The following IFIH1 variants were observed in gnomAD, a reference collection of about 807,000 sequenced individuals.
The protein encoded by IFIH1 is interferon induced with helicase C domain 1, also known as interferon-induced helicase C domain-containing protein 1.
Under a neutral mutation model 107.4 loss-of-function variants are expected in IFIH1, and 125 were observed. That is an observed-to-expected ratio of 1.16 (90% CI 1.01 to 1.35). The LOEUF is 1.35. Among genes scored for constraint, IFIH1 ranks in the 40% most tolerant of loss-of-function variants. The pLI is 0.00. For missense variants in IFIH1, 1,333 were observed against 1,213.7 expected (o/e 1.10, Z -1.46); for synonymous variants, 458 against 413.2 (o/e 1.11, Z -1.31).
At chr2:162,305,323 A>G (rs905887199) in intron 3 of IFIH1, among the ~76,000 whole-genome samples, 1 of 152,138 alleles carries the variant, frequency 6.6e-6, no homozygotes, top group Admixed American at 6.5e-5. Flanking sequence ...TAATCCCAGC[A>G]CTTTGGGAGG....
chr2:162,282,782 G>A (rs1308500041), intron 5 of IFIH1, among the ~76,000 whole-genome samples: 1 of 151,704 alleles, frequency 6.6e-6, no homozygotes, highest in Non-Finnish European at 1.5e-5. Flanking sequence ...TTTATGTCTG[G>A]GACACAAAGA....
intron 4 of IFIH1, among the ~76,000 whole-genome samples, chr2:162,289,787 T>C (rs1682964932): frequency 6.6e-6 from 1 of 151,976 alleles, no homozygotes; most frequent in African/African-American, 2.4e-5. Context: ...TATCGTTGGA[T>C]CATCTGCTGA....
chr2:162,306,719 A>G lies in IFIH1; in HGVS notation c.759T>C (p.Ser253=). 1.2e-6 allele frequency: 2 copies of G among 1,613,862 alleles called. No individual in the cohort carries two copies. Among genetic ancestry groups the G allele is most frequent in the Non-Finnish European group, 1.7e-6 (2 of 1,179,818 alleles). ...ATGTGTTTCAAGTACCTGAAACTAC[A>G]GAAGAATCTGCAAAAGATGATTCTG... ...NSSESSFADS[S]VVSESDTSLA... The change falls in exon 3 of 16, where the codon TCT becomes TCC. Residue 253 remains serine (S), a synonymous_variant. Transcript: ENST00000649979.
Position 162,267,393 on chromosome 2 carries a change from G to T in IFIH1, c.2899-14C>A. 6.2e-7 allele frequency: 1 copy of T among 1,613,914 alleles called. No homozygotes were observed. Among genetic ancestry groups the T allele is most frequent in the Non-Finnish European group, 8.5e-7 (1 of 1,179,924 alleles). On this transcript the variant is annotated splice_polypyrimidine_tract_variant and intron_variant, in intron 15 of 15. Coordinates refer to ENST00000649979, the MANE Select transcript of IFIH1 (RefSeq NM_022168.4). Reference sequence around the variant, plus strand: ...TGTTCCCCAAGCCTGGAAAACAAAAGAGAGAGCAAGAGGAAAATTAAATGT... The same window carrying T: ...TGTTCCCCAAGCCTGGAAAACAAAATAGAGAGCAAGAGGAAAATTAAATGT...
rs745774513 is a variant in IFIH1, at chr2:162,273,806, C to G, written c.2443G>C (p.Ala815Pro). The G allele has an allele frequency of 7.6e-5, 121 of 1,591,170 alleles. No homozygotes were observed. The highest frequency in any genetic ancestry group is 1.0e-4 in the Non-Finnish European group (119 of 1,170,246). Residue 815 changes from alanine (A) to proline (P), a missense_variant, in exon 12 of 16, where the codon GCC (alanine) becomes CCC (proline). Ala to Pro is a conservative substitution (Grantham distance 27). Coordinates refer to ENST00000649979, the MANE Select transcript of IFIH1 (RefSeq NM_022168.4). ...IRYGLVTNEI[A>P]MVQARGRARA... ...GTATTTGAATGTACCTGGACCATGG[C>G]TATTTCATTGGTGACGAGACCATAA...
At position 162,318,458 on chromosome 2, in the gene IFIH1, G is replaced by T; in HGVS notation, c.-151C>A. ...TGACAATGACGAGGTTGTCCACAGG[G>T]CTCTCAGGCCGGCGCGCGGGGCTGC... On this transcript the variant is annotated 5_prime_UTR_variant, in exon 1 of 16. Coordinates refer to ENST00000649979, the MANE Select transcript of IFIH1 (RefSeq NM_022168.4). The T allele has an allele frequency of 1.5e-6, 1 of 678,210 alleles. No individual in the cohort carries two copies. The allele number at this position is 678,210 out of a possible 1,614,324, so 42.0% of individuals were successfully genotyped here. A position where few individuals can be genotyped will look rare whatever the true frequency, so the allele number is the denominator to read the frequency against.
At chr2:162,303,597 G>A (rs1032638411) in intron 3 of IFIH1, among the ~76,000 whole-genome samples, 9 of 151,914 alleles carry the variant, frequency 5.9e-5, no homozygotes, top group African/African-American at 2.2e-4. Context: ...GGAAGAGAGG[G>A]AAGGAAGTTA....
chr2:162,302,040 T>C (rs1271067882), intron 3 of IFIH1, among the ~76,000 whole-genome samples: 8 of 152,262 alleles, frequency 5.3e-5, no homozygotes, highest in Admixed American at 2.6e-4. Flanking sequence ...AGGACACATA[T>C]CAACCCGCAA....
chr2:162,311,121 GACAACA>G (rs145943538), intron 1 of IFIH1, among the ~76,000 whole-genome samples, 188 bp from the exon 2 acceptor site: 2 of 151,450 alleles, frequency 1.3e-5, no homozygotes, highest in African/African-American at 4.9e-5. Context: ...AAATCTCCGG[GACAACA>G]ACAACAACAA....
At chr2:162,285,995 T>C (rs925046993) in intron 5 of IFIH1, among the ~76,000 whole-genome samples, 1 of 151,962 alleles carries the variant, frequency 6.6e-6, no homozygotes, top group Non-Finnish European at 1.5e-5. Flanking sequence ...GCAAATGCGG[T>C]CATAAGCTGG....
At chr2:162,295,984 G>A (rs1307880301) in intron 3 of IFIH1, among the ~76,000 whole-genome samples, 2 of 152,020 alleles carry the variant, frequency 1.3e-5, no homozygotes, top group Non-Finnish European at 2.9e-5. Flanking sequence ...TGTTTTAAAT[G>A]TAATATTGAG....
chr2:162,273,337 C>A (rs979468800), intron 12 of IFIH1, among the ~76,000 whole-genome samples: 2 of 152,112 alleles, frequency 1.3e-5, no homozygotes, highest in African/African-American at 4.8e-5. Context: ...ATCATGAAAA[C>A]TTCTAAACAC....
chr2:162,299,922 T>C (rs1347348805), intron 3 of IFIH1, among the ~76,000 whole-genome samples: 1 of 152,160 alleles, frequency 6.6e-6, no homozygotes, highest in Non-Finnish European at 1.5e-5. Context: ...CTCTGAAACC[T>C]GAAATGTTGC....
At chr2:162,290,937 CAGA>C (rs1000297899) in intron 4 of IFIH1, among the ~76,000 whole-genome samples, 1 of 151,766 alleles carries the variant, frequency 6.6e-6, no homozygotes, top group African/African-American at 2.4e-5. Context: ...TCTGTGTCAG[CAGA>C]AGGAGAGAAC....
intron 4 of IFIH1, 97 bp from the exon 5 acceptor site, chr2:162,288,452 C>A: frequency 1.3e-6 from 1 of 780,058 alleles, no homozygotes; most frequent in South Asian, 1.6e-5. Context: ...GCTTTAAACT[C>A]CTTTTCACAT....
rs1212380600 is a variant in IFIH1, at chr2:162,293,656, C to A, written c.782G>T (p.Ser261Ile). ...GCAGCTGACACTTCCTTCTGCCAAACTTGTGTCTGATTCTGCAAAGGAAAA... is the reference window on the plus strand; with the variant it reads ...GCAGCTGACACTTCCTTCTGCCAAAATTGTGTCTGATTCTGCAAAGGAAAA... ...DSSVVSESDT[S>I]LAEGSVSCLD... The change falls in exon 4 of 16, where the codon AGT becomes ATT. Residue 261 changes from serine to isoleucine, a missense_variant. By Grantham distance (142) the Ser-to-Ile change is moderately radical (BLOSUM62 -2). Coordinates refer to ENST00000649979, the MANE Select transcript of IFIH1 (RefSeq NM_022168.4). 1.9e-6 allele frequency: 3 copies of A among 1,608,350 alleles called. No individual in the cohort carries two copies. Among genetic ancestry groups the A allele is most frequent in the East Asian group, 2.2e-5 (1 of 44,812 alleles).
intron 4 of IFIH1, among the ~76,000 whole-genome samples, chr2:162,289,704 G>A (rs866993055): frequency 1.3e-5 from 2 of 151,776 alleles, no homozygotes; most frequent in Admixed American, 1.3e-4. Flanking sequence ...ATACCACTTA[G>A]GATCATCTAC....
intron 3 of IFIH1, among the ~76,000 whole-genome samples, chr2:162,304,578 T>C (rs1201378064): frequency 6.6e-6 from 1 of 152,210 alleles, no homozygotes; most frequent in Non-Finnish European, 1.5e-5. Context: ...AATGAATTGA[T>C]ATCTTATATA....
At chr2:162,317,820 C>A in intron 1 of IFIH1, 35 bp downstream of exon 1, 1 of 1,507,898 alleles carries the variant, frequency 6.6e-7, no homozygotes, top group Non-Finnish European at 8.9e-7. Flanking sequence ...GCAAAATCTG[C>A]CTAAAAGGCT....
Sources: gnomAD v4.1 joint callset for allele counts (sites outside exome capture counted in the v4.1 genomes callset) on GRCh38, gnomAD v4.1.1 for gene constraint, MANE v1.5 for transcripts, NCBI Gene and HGNC (gene_info 2026-07-23, HGNC 2026-07-21) for gene names.